The following OPN5 variants were observed in gnomAD, a reference collection of about 807,000 sequenced individuals.
The protein encoded by OPN5 is opsin 5.
A neutral mutation model predicts 41.7 loss-of-function variants in OPN5; 18 were observed. That is an observed-to-expected ratio of 0.43 (90% CI 0.30 to 0.64). OPN5 has a LOEUF of 0.64. Among genes scored for constraint, OPN5 ranks in the 30% least tolerant of loss-of-function variants. OPN5 has a pLI of 0.13. For synonymous variants in OPN5, 178 were observed against 164.3 expected (o/e 1.08, Z -0.64); for missense variants, 318 against 434.5 (o/e 0.73, Z 2.38).
At chr6:47,809,198 A>G (rs1774093881) in intron 5 of OPN5, among the ~76,000 whole-genome samples, 1 of 152,064 alleles carries the variant, frequency 6.6e-6, no homozygotes, top group Non-Finnish European at 1.5e-5. Flanking sequence ...TGGAAGAGGC[A>G]CCTGAATTCA....
chr6:47,819,859 G>A (rs1393492222), intron 6 of OPN5, among the ~76,000 whole-genome samples: 1 of 152,140 alleles, frequency 6.6e-6, no homozygotes. Flanking sequence ...ATTAAAGTTT[G>A]TATAAAAGGT....
intron 2 of OPN5, among the ~76,000 whole-genome samples, chr6:47,787,917 A>G (rs1210079313): frequency 6.6e-6 from 1 of 152,090 alleles, no homozygotes; most frequent in Non-Finnish European, 1.5e-5. Flanking sequence ...GTTTTCCGAT[A>G]TTTGTTTCTC....
chr6:47,802,174 C>T (rs1223369917), intron 4 of OPN5, among the ~76,000 whole-genome samples: 1 of 152,152 alleles, frequency 6.6e-6, no homozygotes, highest in African/African-American at 2.4e-5. Context: ...GACTTGGGCA[C>T]CAGCCCTCAG....
At chr6:47,795,781 C>T (rs1581735849) in intron 4 of OPN5, among the ~76,000 whole-genome samples, 2 of 38,898 alleles carry the variant, frequency 5.1e-5, no homozygotes, top group African/African-American at 1.9e-4. Context: ...CTCTCTCTCA[C>T]ACACACACAC....
intron 4 of OPN5, among the ~76,000 whole-genome samples, chr6:47,798,638 T>G (rs1420417932): frequency 6.6e-6 from 1 of 151,512 alleles, no homozygotes; most frequent in African/African-American, 2.4e-5. Context: ...TATATTAAAA[T>G]AACATAAACA....
chr6:47,814,195 G>A (rs577032595), intron 6 of OPN5, among the ~76,000 whole-genome samples: 14 of 151,930 alleles, frequency 9.2e-5, no homozygotes, highest in Non-Finnish European at 1.9e-4. Flanking sequence ...TTTGTGTGGG[G>A]GGATGATTGT....
At chr6:47,797,547 C>A (rs1165178133) in intron 4 of OPN5, among the ~76,000 whole-genome samples, 2 of 152,122 alleles carry the variant, frequency 1.3e-5, no homozygotes, top group Admixed American at 6.5e-5. Flanking sequence ...AGAAACTGGG[C>A]AAATGTACCA....
intron 4 of OPN5, among the ~76,000 whole-genome samples, chr6:47,807,601 T>A (rs952051917): frequency 6.6e-6 from 1 of 152,218 alleles, no homozygotes; most frequent in African/African-American, 2.4e-5. Flanking sequence ...TGAATCTCAA[T>A]GACTTATTTT....
At chr6:47,816,444 A>G (rs1297965724) in intron 6 of OPN5, among the ~76,000 whole-genome samples, 2 of 152,236 alleles carry the variant, frequency 1.3e-5, no homozygotes, top group Non-Finnish European at 2.9e-5. Flanking sequence ...GCAGAATTCA[A>G]TCATTGCCAA....
At chr6:47,814,226 G>A (rs1308052357) in intron 6 of OPN5, among the ~76,000 whole-genome samples, 3 of 151,774 alleles carry the variant, frequency 2.0e-5, no homozygotes, top group East Asian at 1.9e-4. Context: ...GACAGATGGC[G>A]GTGGAGGTAA....
intron 4 of OPN5, among the ~76,000 whole-genome samples, chr6:47,806,506 G>A (rs1252187931): frequency 6.6e-6 from 1 of 152,022 alleles, no homozygotes; most frequent in African/African-American, 2.4e-5. Context: ...CAAAACATGT[G>A]GAAGATGCTC....
chr6:47,784,248 C>T (rs532623436), intron 1 of OPN5, among the ~76,000 whole-genome samples: 3 of 151,390 alleles, frequency 2.0e-5, no homozygotes, highest in Admixed American at 6.6e-5. Context: ...TGGACTTGGC[C>T]GTGTGTCTGG....
chr6:47,808,375 G>A, exon 5 of OPN5: 2 of 1,614,054 alleles, frequency 1.2e-6, no homozygotes. Context: ...CAACCAAGAA[G>A]AAGTCTCTGG....
chr6:47,798,349 G>T (rs1277311606), intron 4 of OPN5, among the ~76,000 whole-genome samples: 1 of 151,552 alleles, frequency 6.6e-6, no homozygotes. Flanking sequence ...ATGAGTCAAT[G>T]CTTTTGAAGG....
chr6:47,819,354 A>ATATATATATATATATAAATATATAT (rs1389298718), intron 6 of OPN5, among the ~76,000 whole-genome samples: 2 of 59,042 alleles, frequency 3.4e-5, no homozygotes, highest in African/African-American at 5.0e-5. Flanking sequence ...TATATATATA[A>ATATATATATATATATAAATATATAT]AAAATATATT....
At chr6:47,795,453 G>A (rs758925994) in exon 4 of OPN5, 10 of 1,614,000 alleles carry the variant, frequency 6.2e-6, no homozygotes, top group South Asian at 4.4e-5. Context: ...GGCTGTGATC[G>A]TGTTCTCCTA....
intron 6 of OPN5, among the ~76,000 whole-genome samples, chr6:47,815,175 C>T (rs1440590204): frequency 6.6e-6 from 1 of 152,100 alleles, no homozygotes; most frequent in African/African-American, 2.4e-5. Context: ...ATATATTTCA[C>T]AGTAAAATCC....
chr6:47,802,152 C>T (rs2113975476), intron 4 of OPN5, among the ~76,000 whole-genome samples: 1 of 152,240 alleles, frequency 6.6e-6, no homozygotes, highest in East Asian at 1.9e-4. Flanking sequence ...CCAGAATTCC[C>T]CTACAGCTAT....
exon 3 of OPN5, chr6:47,791,943 G>A (rs1349834900): frequency 2.5e-6 from 4 of 1,613,726 alleles, no homozygotes; most frequent in Admixed American, 1.7e-5. Context: ...AGCCTGGATC[G>A]ATATTTGAAA....
Sources: allele counts gnomAD v4.1 joint callset (sites outside exome capture counted in the v4.1 genomes callset), GRCh38; gene constraint gnomAD v4.1.1; transcripts MANE v1.5; gene names NCBI Gene and HGNC (gene_info 2026-07-23, HGNC 2026-07-21).